CPVL: variants seen among roughly 807,000 people sequenced by gnomAD.
CPVL encodes the protein carboxypeptidase vitellogenic like, also known as probable serine carboxypeptidase CPVL.
In CPVL, 51 loss-of-function variants were observed where a neutral mutation model predicts 63.7. The ratio of observed to expected loss-of-function variants is 0.80; its 90% CI spans 0.64 to 1.01. CPVL has a LOEUF of 1.01. Among genes scored for constraint, CPVL ranks in the 50% least tolerant of loss-of-function variants. The probability of loss-of-function intolerance (pLI) is 0.00; values close to 1 mark genes in which losing one functional copy is unlikely to be tolerated. For synonymous variants in CPVL, 195 were observed against 206.0 expected (o/e 0.95, Z 0.46); for missense variants, 530 against 573.1 (o/e 0.92, Z 0.77).
chr7:29,067,431 TAG>T (rs925548572), intron 9 of CPVL, among the ~76,000 whole-genome samples: 1 of 152,080 alleles, frequency 6.6e-6, no homozygotes, highest in Non-Finnish European at 1.5e-5. Flanking sequence ...CTCAATGCTT[TAG>T]GAGGAGGCAG....
chr7:29,071,919 GAC>G lies in CPVL; in HGVS notation c.733-17_733-16del, dbSNP rs1264976468. On this transcript the variant is annotated splice_polypyrimidine_tract_variant and intron_variant, in intron 8 of 12. Coordinates refer to ENST00000265394, the MANE Select transcript of CPVL (RefSeq NM_031311.5). The stretch of plus-strand genomic sequence containing the variant: ...CCCCCTATAATCTGAGGACAAAAAA[GAC>G]ACACATCAATGTGACAAAGGGAGAG... 1 of 1,613,838 alleles carries G rather than the reference GAC, an allele frequency of 6.2e-7. No homozygotes were observed. Among genetic ancestry groups the G allele is most frequent in the Non-Finnish European group, 8.5e-7 (1 of 1,179,868 alleles).
chr7:29,104,528 T>G (rs1366485452), intron 3 of CPVL, among the ~76,000 whole-genome samples: 1 of 152,230 alleles, frequency 6.6e-6, no homozygotes, highest in Non-Finnish European at 1.5e-5. Flanking sequence ...CCCAACGTAC[T>G]GGGATTATAG....
intron 12 of CPVL, among the ~76,000 whole-genome samples, chr7:28,998,934 A>G (rs1268649703): frequency 2.0e-5 from 3 of 152,182 alleles, no homozygotes; most frequent in African/African-American, 4.8e-5. Context: ...GGCTGGGTGC[A>G]GTGGCTCATG....
At chr7:29,195,028 G>T in intron 1 of CPVL, 1 of 1,575,984 alleles carries the variant, frequency 6.3e-7, no homozygotes, top group Non-Finnish European at 8.6e-7. Flanking sequence ...GCCGCGCCGG[G>T]TCTCGCCCCA....
intron 11 of CPVL, among the ~76,000 whole-genome samples, chr7:29,043,306 C>T (rs1789304479): frequency 6.6e-6 from 1 of 151,562 alleles, no homozygotes; most frequent in African/African-American, 2.4e-5. Context: ...AACCTGGTAT[C>T]AGTCAGGTGC....
intron 5 of CPVL, among the ~76,000 whole-genome samples, chr7:29,172,384 C>A (rs765038903): frequency 3.3e-5 from 5 of 152,174 alleles, no homozygotes; most frequent in African/African-American, 7.2e-5. Flanking sequence ...GTTATGATAG[C>A]ATCAGTGTCT....
At chr7:29,159,467 A>G (rs576734743) in intron 5 of CPVL, among the ~76,000 whole-genome samples, 1 of 152,178 alleles carries the variant, frequency 6.6e-6, no homozygotes, top group African/African-American at 2.4e-5. Flanking sequence ...ATGAATGAAA[A>G]CCTATTATTT....
chr7:28,998,967 A>G (rs1784349516), intron 12 of CPVL, among the ~76,000 whole-genome samples: 1 of 152,010 alleles, frequency 6.6e-6, no homozygotes, highest in African/African-American at 2.4e-5. Context: ...ACACTTTGGG[A>G]GGCTGAGGTG....
chr7:29,167,446 G>A (rs1383138935), intron 5 of CPVL, among the ~76,000 whole-genome samples: 1 of 151,980 alleles, frequency 6.6e-6, no homozygotes, highest in African/African-American at 2.4e-5. Flanking sequence ...TGTTTGATTC[G>A]CTGGTACAAA....
chr7:29,174,902 A>C (rs1391285258), intron 5 of CPVL, among the ~76,000 whole-genome samples: 1 of 152,132 alleles, frequency 6.6e-6, no homozygotes, highest in Non-Finnish European at 1.5e-5. Flanking sequence ...TACAGGAACA[A>C]GAAGCTAGAA....
upstream of CPVL, among the ~76,000 whole-genome samples, chr7:29,147,565 C>T (rs1431861277): frequency 6.6e-6 from 1 of 152,210 alleles, no homozygotes; most frequent in Non-Finnish European, 1.5e-5. Flanking sequence ...GTTGTGAGGA[C>T]TCACTGAAAA....
At chr7:29,046,023 T>A (rs371431215) in intron 11 of CPVL, among the ~76,000 whole-genome samples, 10 of 151,982 alleles carry the variant, frequency 6.6e-5, no homozygotes, top group African/African-American at 2.4e-4. Context: ...TTTAATGAGC[T>A]GTAGAATGAT....
intron 3 of CPVL, among the ~76,000 whole-genome samples, chr7:29,104,949 A>G (rs544202457): frequency 6.6e-6 from 1 of 152,254 alleles, no homozygotes; most frequent in African/African-American, 2.4e-5. Flanking sequence ...GTGATCTATA[A>G]CATCACCTTA....
chr7:29,071,994 A>G (rs1783793300), intron 8 of CPVL, 90 bp from the exon 9 acceptor site: 1 of 1,526,908 alleles, frequency 6.5e-7, no homozygotes, highest in Non-Finnish European at 9.0e-7. Context: ...AATCCTTTGT[A>G]ATTGTTAATA....
rs909244251 is a variant in CPVL at position 29,008,774 on chromosome 7, T to C, written c.1321-12892A>G. ...TGGGTGGGTAGTATTTGCCAATTAC[T>C]ATTATTCTTCATTTTCTGGTAAGAC... On this transcript the variant is annotated intron_variant, in intron 12 of 12. Coordinates refer to ENST00000265394, the MANE Select transcript of CPVL (RefSeq NM_031311.5). 1.4e-4 allele frequency among the ~76,000 whole-genome samples: 22 copies of C among 152,206 alleles called. 1 individual carries two copies. Among genetic ancestry groups the C allele is most frequent in the African/African-American group, 2.9e-4 (12 of 41,466 alleles).
At chr7:29,177,520 C>T (rs1797508545) in intron 5 of CPVL, among the ~76,000 whole-genome samples, 1 of 151,256 alleles carries the variant, frequency 6.6e-6, no homozygotes, top group Non-Finnish European at 1.5e-5. Context: ...TCCCACAGTG[C>T]TGGGATTACA....
chr7:29,096,248 C>T (rs771353754), intron 3 of CPVL, 31 bp from the exon 4 acceptor site: 7 of 1,515,730 alleles, frequency 4.6e-6, no homozygotes, highest in Admixed American at 1.7e-5. Flanking sequence ...AGTGACCACA[C>T]AGAACACTCA....
intron 3 of CPVL, among the ~76,000 whole-genome samples, chr7:29,101,159 T>C (rs1787076625): frequency 6.6e-6 from 1 of 152,162 alleles, no homozygotes; most frequent in South Asian, 2.1e-4. Context: ...AAAACCACAT[T>C]GCAATACTTA....
At chr7:29,044,673 G>T (rs984758440) in intron 11 of CPVL, among the ~76,000 whole-genome samples, 1 of 152,112 alleles carries the variant, frequency 6.6e-6, no homozygotes. Context: ...TTGCACAACA[G>T]ATACTACTAA....
Sources: gnomAD v4.1 joint callset for allele counts (sites outside exome capture counted in the v4.1 genomes callset) on GRCh38, gnomAD v4.1.1 for gene constraint, MANE v1.5 for transcripts, NCBI Gene and HGNC (gene_info 2026-07-23, HGNC 2026-07-21) for gene names.